ZNF730: variants seen among roughly 807,000 people sequenced by gnomAD.
ZNF730 encodes the protein zinc finger protein 730.
A neutral mutation model predicts 12.6 loss-of-function variants in ZNF730; 12 were observed. That is an observed-to-expected ratio of 0.95 (90% CI 0.61 to 1.54). The LOEUF (loss-of-function observed/expected upper bound fraction) is 1.54. Among genes scored for constraint, ZNF730 ranks in the 40% most tolerant of loss-of-function variants. ZNF730 has a pLI of 0.00. For synonymous variants in ZNF730, 194 were observed against 195.8 expected, an observed-to-expected ratio of 0.99 and a Z score of 0.08; for missense variants, 643 against 583.5, an observed-to-expected ratio of 1.10 and a Z score of -1.05.
At position 23,146,803 on chromosome 19, in the gene ZNF730, C is replaced by A; in HGVS notation, c.*247C>A. ...AAGATAATTCATACTGGAGAGAAAC[C>A]CTACAAGTGTGAAGAATGTGACAAA... On this transcript the variant is annotated 3_prime_UTR_variant, in exon 4 of 4. Coordinates refer to ENST00000597761, the MANE Select transcript of ZNF730 (RefSeq NM_001277403.2). 1 of 921,432 alleles carries A rather than the reference C, an allele frequency of 1.1e-6. No homozygotes were observed. The highest frequency in any genetic ancestry group is 2.4e-5 in the East Asian group (1 of 41,498). 57.1% of individuals were successfully genotyped at this position (921,432 alleles called of 1,614,324 possible). A position where few individuals can be genotyped will look rare whatever the true frequency, so the allele number is the denominator to read the frequency against.
chr19:23,134,275 G>A (rs1970789412), intron 2 of ZNF730, 69 bp downstream of exon 2: 4 of 1,309,152 alleles, frequency 3.1e-6, no homozygotes, highest in Non-Finnish European at 4.1e-6. Flanking sequence ...TAAAAATTCT[G>A]TGCTTTCAGA....
chr19:23,088,605 A>T (rs559688619), intron 1 of ZNF730, among the ~76,000 whole-genome samples: 91 of 151,614 alleles, frequency 6.0e-4, no homozygotes, highest in Non-Finnish European at 1.1e-3. Context: ...CTGGGACTAC[A>T]GGCGTGTGCT....
At chr19:23,085,496 C>CTTTTTTTTTTTTTTTTTTTTT (rs58871710) in intron 1 of ZNF730, among the ~76,000 whole-genome samples, 1 of 52,762 alleles carries the variant, frequency 1.9e-5, no homozygotes. Flanking sequence ...CCATGCCCGT[C>CTTTTTTTTTTTTTTTTTTTTT]TTTTTTTTTT....
At chr19:23,102,885 A>T (rs1280576661) in intron 1 of ZNF730, among the ~76,000 whole-genome samples, 1 of 152,164 alleles carries the variant, frequency 6.6e-6, no homozygotes, top group African/African-American at 2.4e-5. Flanking sequence ...GAGTATGGTC[A>T]TGGGTCTTCT....
chr19:23,140,372 G>C (rs1384357782), intron 3 of ZNF730, among the ~76,000 whole-genome samples: 3 of 151,980 alleles, frequency 2.0e-5, no homozygotes, highest in African/African-American at 7.3e-5. Context: ...CACTTTGGGA[G>C]GCCAAGGTGG....
chr19:23,135,849 A>C, intron 2 of ZNF730, 99 bp from the exon 3 acceptor site: 1 of 1,175,468 alleles, frequency 8.5e-7, no homozygotes, highest in South Asian at 1.4e-5. Flanking sequence ...TTTGGGGTTA[A>C]TTTACTAGAA....
intron 1 of ZNF730, among the ~76,000 whole-genome samples, chr19:23,086,917 T>C (rs1053042388): frequency 9.9e-5 from 15 of 152,190 alleles, no homozygotes; most frequent in Admixed American, 5.2e-4. Context: ...ATTCTTATTA[T>C]TCATAAGCAT....
intron 1 of ZNF730, among the ~76,000 whole-genome samples, chr19:23,086,907 A>T (rs1448890967): frequency 6.6e-6 from 1 of 152,170 alleles, no homozygotes; most frequent in African/African-American, 2.4e-5. Context: ...AGTGATATGG[A>T]TTCTTATTAT....
chr19:23,144,320 T>A (rs1489475987), intron 3 of ZNF730: 1 of 152,186 alleles, frequency 6.6e-6, no homozygotes, highest in African/African-American at 2.4e-5. Flanking sequence ...GGCTAGACAT[T>A]CTGGGAGTCT....
At chr19:23,137,624 T>C (rs1025526134) in intron 3 of ZNF730, among the ~76,000 whole-genome samples, 5 of 152,266 alleles carry the variant, frequency 3.3e-5, no homozygotes, top group Non-Finnish European at 7.3e-5. Flanking sequence ...AGTAGAAGCA[T>C]TGAGAATGGG....
chr19:23,145,103 CA>C (rs1970983069), intron 3 of ZNF730, among the ~76,000 whole-genome samples, 167 bp from the exon 4 acceptor site: 2 of 152,138 alleles, frequency 1.3e-5, no homozygotes, highest in South Asian at 4.1e-4. Context: ...TACTTTTTTA[CA>C]AATGTACTTT....
intron 1 of ZNF730, among the ~76,000 whole-genome samples, chr19:23,077,161 C>A (rs2145421679): frequency 6.6e-6 from 1 of 152,144 alleles, no homozygotes; most frequent in African/African-American, 2.4e-5. Flanking sequence ...CAGAGGGGAA[C>A]AATCCATACT....
chr19:23,128,240 A>G, intron 1 of ZNF730: 3 of 724,870 alleles, frequency 4.1e-6, no homozygotes, highest in Non-Finnish European at 7.6e-6. Flanking sequence ...AAGGACTTTA[A>G]TGCAGCAGTA....
intron 1 of ZNF730, among the ~76,000 whole-genome samples, chr19:23,103,359 A>G (rs530920865): frequency 6.6e-6 from 1 of 152,378 alleles, no homozygotes; most frequent in Non-Finnish European, 1.5e-5. Context: ...TAAAAAATTG[A>G]AATAAAAGCA....
intron 1 of ZNF730, chr19:23,095,599 T>C (rs1035667199): frequency 1.5e-5 from 6 of 395,540 alleles, no homozygotes; most frequent in Non-Finnish European, 2.7e-5. Flanking sequence ...TAAGATGACA[T>C]CATTCTTTAG....
intron 1 of ZNF730, among the ~76,000 whole-genome samples, chr19:23,079,917 T>C (rs948427829): frequency 6.6e-6 from 1 of 152,184 alleles, no homozygotes; most frequent in Admixed American, 6.6e-5. Flanking sequence ...TTTATCATTA[T>C]TGTAGTATTT....
At chr19:23,134,312 C>CTT in intron 2 of ZNF730, 106 bp downstream of exon 2, 104 of 864,486 alleles carry the variant, frequency 1.2e-4, no homozygotes, top group Non-Finnish European at 1.3e-4. Context: ...TTTTCTTTTT[C>CTT]TTTTTTTTTT....
At position 23,146,187 on chromosome 19, in the gene ZNF730, A is replaced by G. The variant is rs1233994795; in HGVS notation, c.1143A>G (p.Ser381=). The change falls in exon 4 of 4, where the codon TCA becomes TCG. Residue 381 remains serine, a synonymous_variant. Coordinates refer to ENST00000597761, the MANE Select transcript of ZNF730 (RefSeq NM_001277403.2). ...KECGKAFNQS[S]TLTIHKIIHT... is the part of the protein sequence containing the mutation. ...GTGGTAAAGCTTTTAACCAATCCTC[A>G]ACTCTTACTATACATAAGATAATTC... is the stretch of plus-strand genomic sequence containing the variant. The G allele has an allele frequency of 6.2e-7, 1 of 1,609,304 alleles. No individual in the cohort carries two copies. The highest frequency in any genetic ancestry group is 8.5e-7 in the Non-Finnish European group (1 of 1,177,458).
intron 1 of ZNF730, among the ~76,000 whole-genome samples, chr19:23,109,292 C>G (rs1294697958): frequency 1.3e-5 from 2 of 151,402 alleles, no homozygotes; most frequent in Admixed American, 1.3e-4. Flanking sequence ...TGCAGTGGTG[C>G]AATCTTGGCT....
Sources: allele counts gnomAD v4.1 joint callset (sites outside exome capture counted in the v4.1 genomes callset), GRCh38; gene constraint gnomAD v4.1.1; transcripts MANE v1.5; gene names NCBI Gene and HGNC (gene_info 2026-07-23, HGNC 2026-07-21).